Variants in DTNB observed in about 807,000 individuals in gnomAD.
The protein encoded by DTNB is DTN-B.
Under a neutral mutation model 90.7 loss-of-function variants are expected in DTNB, and 63 were observed. That is an observed-to-expected ratio of 0.69 (90% confidence interval 0.57 to 0.86). The LOEUF is 0.86. DTNB is among the 40% of genes least tolerant of loss of function. The pLI, the probability that DTNB is intolerant of heterozygous loss-of-function variation, is 0.00. For missense variants in DTNB, 744 were observed against 807.1 expected (o/e 0.92, Z 0.95); for synonymous variants, 277 against 286.7 (o/e 0.97, Z 0.34).
intron 12 of DTNB, among the ~76,000 whole-genome samples, chr2:25,443,393 C>T (rs2057860884): frequency 6.6e-6 from 1 of 152,160 alleles, no homozygotes; most frequent in Non-Finnish European, 1.5e-5. Context: ...CTGAAAAATA[C>T]AGGATAATAA....
At chr2:25,589,783 TCCTTTGTGG>T (rs2063200590) in intron 6 of DTNB, among the ~76,000 whole-genome samples, 1 of 152,198 alleles carries the variant, frequency 6.6e-6, no homozygotes, top group African/African-American at 2.4e-5. Context: ...GTGATGCTTT[TCCTTTGTGG>T]CCAGTGGCAC....
chr2:25,475,141 G>A (rs771583722), intron 10 of DTNB, among the ~76,000 whole-genome samples: 3 of 152,342 alleles, frequency 2.0e-5, no homozygotes, highest in Non-Finnish European at 4.4e-5. Context: ...ATTAAGCTTA[G>A]TGAGGAAAGC....
chr2:25,634,798 A>G lies in DTNB; in HGVS notation c.148+4216T>C, dbSNP rs858659. Among the ~76,000 whole-genome samples, 852 of 113,766 alleles carry G rather than the reference A, an allele frequency of 7.5e-3. 146 individuals are homozygous for G. The highest frequency in any genetic ancestry group is 0.022 in the African/African-American group (801 of 36,488). The allele number at this position is 113,766 out of a possible 152,430, so 74.6% of individuals were successfully genotyped here. On this transcript the variant is annotated intron_variant, in intron 3 of 20. Transcript: ENST00000406818. ...TCTGAAACATGTGCTGTGTCCACTC[A>G]GGGTTAAATGGATTAAGGGCGGTGC...
At chr2:25,570,364 C>T (rs1043922146) in intron 8 of DTNB, among the ~76,000 whole-genome samples, 2 of 133,126 alleles carry the variant, frequency 1.5e-5, no homozygotes, top group Non-Finnish European at 3.0e-5. Flanking sequence ...TCCATGATCA[C>T]GCCACTGCAC....
intron 16 of DTNB, among the ~76,000 whole-genome samples, chr2:25,405,691 C>T (rs1457385817): frequency 6.6e-6 from 1 of 151,544 alleles, no homozygotes; most frequent in Non-Finnish European, 1.5e-5. Flanking sequence ...ATAGTACCTA[C>T]ATAATATCTG....
chr2:25,591,847 G>A (rs774748781), intron 6 of DTNB, among the ~76,000 whole-genome samples: 2 of 151,970 alleles, frequency 1.3e-5, no homozygotes, highest in Non-Finnish European at 2.9e-5. Flanking sequence ...GATCACCTGA[G>A]ATCAGGAGGT....
chr2:25,569,546 C>G (rs886901990), intron 8 of DTNB, among the ~76,000 whole-genome samples: 1 of 152,030 alleles, frequency 6.6e-6, no homozygotes, highest in Non-Finnish European at 1.5e-5. Context: ...TTCTTGGGAT[C>G]TGCACACTCC....
At chr2:25,511,287 C>T (rs980256516) in intron 9 of DTNB, among the ~76,000 whole-genome samples, 1 of 152,114 alleles carries the variant, frequency 6.6e-6, no homozygotes, top group African/African-American at 2.4e-5. Context: ...TAGATTATGT[C>T]AATATAAATC....
chr2:25,436,600 C>T (rs898134380), intron 12 of DTNB, among the ~76,000 whole-genome samples: 13 of 151,814 alleles, frequency 8.6e-5, no homozygotes, highest in African/African-American at 3.1e-4. Flanking sequence ...GGGTAAGAGG[C>T]TTTTTACCAA....
In DTNB at chr2:25,427,647, A is replaced by T. The variant is rs1252717727; in HGVS notation, c.1458-16T>A. On this transcript the variant is annotated splice_polypyrimidine_tract_variant and intron_variant, in intron 14 of 20. Transcript: ENST00000406818. ...CTTCCTTTGCCTATCCAAGACGAGA[A>T]GCCTATCAGATAAAGAGACCCTCAA... The T allele has an allele frequency of 3.1e-6, 5 of 1,610,768 alleles. No homozygotes were observed. The highest frequency in any genetic ancestry group is 4.2e-6 in the Non-Finnish European group (5 of 1,179,402).
chr2:25,579,188 C>A (rs1002667106), intron 7 of DTNB, among the ~76,000 whole-genome samples: 3 of 152,098 alleles, frequency 2.0e-5, no homozygotes, highest in Non-Finnish European at 4.4e-5. Flanking sequence ...CATAAAACTA[C>A]TAAAACACTT....
intron 8 of DTNB, among the ~76,000 whole-genome samples, chr2:25,532,401 T>C (rs1238683535): frequency 6.6e-6 from 1 of 152,168 alleles, no homozygotes; most frequent in Non-Finnish European, 1.5e-5. Flanking sequence ...CATTTGATAT[T>C]AGGGGTCTGG....
At chr2:25,672,635 C>A (rs541510235) in intron 1 of DTNB, 1 of 152,130 alleles carries the variant, frequency 6.6e-6, no homozygotes, top group South Asian at 2.1e-4. Flanking sequence ...CAAAAGAGAC[C>A]GAAAGTAAAT....
At chr2:25,656,448 G>C (rs1318516490) in intron 1 of DTNB, among the ~76,000 whole-genome samples, 1 of 152,126 alleles carries the variant, frequency 6.6e-6, no homozygotes, top group Non-Finnish European at 1.5e-5. Context: ...ATGAATGTAA[G>C]TACATCTCTC....
intron 3 of DTNB, among the ~76,000 whole-genome samples, chr2:25,638,346 T>C (rs2077526729): frequency 6.6e-6 from 1 of 152,182 alleles, no homozygotes; most frequent in African/African-American, 2.4e-5. Context: ...ACCCTAGAAC[T>C]TAAAGTATAA....
chr2:25,429,383 C>T (rs1236219984), intron 14 of DTNB, among the ~76,000 whole-genome samples: 2 of 152,094 alleles, frequency 1.3e-5, no homozygotes, highest in Admixed American at 1.3e-4. Context: ...TCCTTAGTAC[C>T]ACACCTCCTA....
intron 2 of DTNB, among the ~76,000 whole-genome samples, chr2:25,646,814 T>C (rs1221239139): frequency 5.3e-5 from 8 of 152,198 alleles, no homozygotes; most frequent in Non-Finnish European, 8.8e-5. Context: ...GCACATGTTC[T>C]CAGGACCTCC....
chr2:25,654,384 A>C (rs1443208815), intron 1 of DTNB, among the ~76,000 whole-genome samples: 1 of 152,184 alleles, frequency 6.6e-6, no homozygotes, highest in Non-Finnish European at 1.5e-5. Context: ...GGCATCTAGT[A>C]AACAGAGGTC....
chr2:25,655,156 C>T lies in DTNB; in HGVS notation c.-1-2495G>A, dbSNP rs114692610. 6.1e-3 allele frequency among the ~76,000 whole-genome samples: 936 copies of T among 152,304 alleles called. 10 individuals are homozygous for T. Among genetic ancestry groups the T allele is most frequent in the African/African-American group, 0.021 (874 of 41,558 alleles). ...TGTGCTAAAAATTAGACCCAAGTTT[C>T]GACTGTGAAAGCAGGCAAATTACAA... is the stretch of plus-strand genomic sequence containing the variant. On this transcript the variant is annotated intron_variant, in intron 1 of 20. Transcript: ENST00000406818.
Sources: gnomAD v4.1 joint callset for allele counts (sites outside exome capture counted in the v4.1 genomes callset) on GRCh38, gnomAD v4.1.1 for gene constraint, MANE v1.5 for transcripts, NCBI Gene and HGNC (gene_info 2026-07-23, HGNC 2026-07-21) for gene names.